Variants in MYO15A observed in about 807,000 individuals in gnomAD.
MYO15A encodes myosin XVA.
A neutral mutation model predicts 394.6 loss-of-function variants in MYO15A; 308 were observed. That is an observed-to-expected ratio of 0.78 (90% CI 0.71 to 0.86). The LOEUF (loss-of-function observed/expected upper bound fraction) is 0.86. MYO15A is among the 40% of genes least tolerant of loss of function. MYO15A has a pLI of 0.00. For missense variants in MYO15A, 4,606 were observed against 4,799.1 expected (o/e 0.96, Z 1.19); for synonymous variants, 1,957 against 2,003.8 (o/e 0.98, Z 0.62).
intron 44 of MYO15A, among the ~76,000 whole-genome samples, chr17:18,154,420 A>T (rs1242410332): frequency 2.0e-5 from 3 of 152,196 alleles, no homozygotes; most frequent in African/African-American, 7.2e-5. Context: ...TGGCCCAGAG[A>T]TCAAATGTAA....
rs1315685521 is a variant in MYO15A at position 18,162,565 on chromosome 17, T to A, written c.9518-20T>A. The A allele has an allele frequency of 1.2e-6, 2 of 1,612,686 alleles. No individual in the cohort carries two copies. Among genetic ancestry groups the A allele is most frequent in the Non-Finnish European group, 1.7e-6 (2 of 1,179,338 alleles). On this transcript the variant is annotated intron_variant, in intron 57 of 65. Transcript: ENST00000647165. ...CCCACAGTCCACCTTGGGCGAGGCC[T>A]GAACTCCCTGCTTCTGCAGGGATCG...
chr17:18,114,437 A>G (rs1397645038), intron 1 of MYO15A, among the ~76,000 whole-genome samples: 1 of 152,002 alleles, frequency 6.6e-6, no homozygotes, highest in Non-Finnish European at 1.5e-5. Context: ...TTTTTAGTGG[A>G]AATGAGGTTT....
In MYO15A at chr17:18,166,388, G is replaced by A. The variant is rs199866618; in HGVS notation, c.9815G>A (p.Arg3272His). 2.7e-5 allele frequency: 44 copies of A among 1,613,742 alleles called. No homozygotes were observed. Among genetic ancestry groups the A allele is most frequent in the Middle Eastern group, 1.7e-4 (1 of 6,050 alleles). Residue 3272 changes from arginine (R) to histidine (H), a missense_variant, in exon 61 of 66, where the codon CGT becomes CAT. Around this residue, in one of 2 missense-constraint regions of MYO15A, gnomAD observed 2,776 missense variants for 3,109.3 expected, o/e 0.89. Transcript: ENST00000647165. ...CAGCATGTGTGCCCACTCAGTCGCC[G>A]TGCTTACATCCTGGATGTGGCCTCA... Reference protein sequence around the residue: ...RGQHVCPLSRRAYILDVASEM... With the variant: ...RGQHVCPLSRHAYILDVASEM...
Position 18,114,613 on chromosome 17 carries a change from T to C in MYO15A, c.-219-3969T>C, listed in dbSNP as rs566206918. 9.7e-4 allele frequency among the ~76,000 whole-genome samples: 147 copies of C among 152,288 alleles called. 1 individual carries two copies. Among genetic ancestry groups the C allele is most frequent in the African/African-American group, 3.2e-3 (135 of 41,542 alleles). ...GTAACTTCCCTTGCCCCTGCTACTGTACTGGGACCATTCTTGTCACAGTCA... is the reference window on the plus strand; with the variant it reads ...GTAACTTCCCTTGCCCCTGCTACTGCACTGGGACCATTCTTGTCACAGTCA... On this transcript the variant is annotated intron_variant, in intron 1 of 65. Coordinates refer to ENST00000647165, the MANE Select transcript of MYO15A (RefSeq NM_016239.4).
chr17:18,144,509 G>A lies in MYO15A; in HGVS notation c.6190G>A (p.Gly2064Arg), dbSNP rs769641073. Residue 2064 changes from glycine to arginine, a missense_variant, in exon 29 of 66, where the codon GGG becomes AGG. Gly to Arg is a moderately radical substitution (Grantham distance 125, BLOSUM62 -2). Transcript: ENST00000647165. ...VQCHFKEPAFGMLTVPLRTPL... is the reference protein window; with the variant it reads ...VQCHFKEPAFRMLTVPLRTPL... ...CCCTGTGTCTTAGGAACCTGCCTTT[G>A]GGATGCTGACAGTGCCCCTGAGGAC... 1 of 1,613,306 alleles carries A rather than the reference G, an allele frequency of 6.2e-7. No individual in the cohort carries two copies. The highest frequency in any genetic ancestry group is 1.1e-5 in the South Asian group (1 of 91,078).
chr17:18,120,979 G>A lies in MYO15A; in HGVS notation c.2179G>A (p.Val727Met), dbSNP rs981212271. 37 of 1,498,116 alleles carry A rather than the reference G, an allele frequency of 2.5e-5. No individual in the cohort carries two copies. Among genetic ancestry groups the A allele is most frequent in the South Asian group, 5.0e-5 (4 of 80,432 alleles). 92.8% of individuals were successfully genotyped at this position (1,498,116 alleles called of 1,614,324 possible). ...GTGGGCCTTCGTGGAGCCCCCTGCC[G>A]TGAGCCCGGAGGTGCCCCCCGACCT... The part of the protein sequence containing the change: ...SWWAFVEPPA[V>M]SPEVPPDLLA... Residue 727 changes from valine to methionine, a missense_variant, in exon 2 of 66, where the codon GTG becomes ATG. By Grantham distance (21) the Val-to-Met change is conservative (BLOSUM62 1). Around this residue, in one of 2 missense-constraint regions of MYO15A, gnomAD observed 1,830 missense variants for 1,689.7 expected, o/e 1.08. Coordinates refer to ENST00000647165, the MANE Select transcript of MYO15A (RefSeq NM_016239.4).
chr17:18,113,477 A>C (rs1220835795), intron 1 of MYO15A, among the ~76,000 whole-genome samples: 1 of 152,192 alleles, frequency 6.6e-6, no homozygotes, highest in Non-Finnish European at 1.5e-5. Context: ...CAAGCTGAGC[A>C]TGGTGGCTCA....
chr17:18,120,375 G>T lies in MYO15A; in HGVS notation c.1575G>T (p.Val525=). Residue 525 remains valine, a synonymous_variant, in exon 2 of 66, where the codon GTG becomes GTT. Coordinates refer to ENST00000647165, the MANE Select transcript of MYO15A (RefSeq NM_016239.4). ...AGGAGCTGCCCCCGGTTTCCGCTGT[G>T]CCCTACGGCCACCCTTTCTGGGGCT... ...DEEELPPVSA[V]PYGHPFWGFL... The T allele has an allele frequency of 6.2e-7, 1 of 1,611,680 alleles. No individual in the cohort carries two copies. The highest frequency in any genetic ancestry group is 1.3e-5 in the African/African-American group (1 of 75,058).
Position 18,121,303 on chromosome 17 carries a change from CCACCCGGCTCGCCGCTGCCGGGCT to C in MYO15A, c.2509_2532del (p.Gly837_Pro844del). The C allele has an allele frequency of 7.5e-7, 1 of 1,330,036 alleles. No homozygotes were observed. The highest frequency in any genetic ancestry group is 9.6e-7 in the Non-Finnish European group (1 of 1,045,556). 82.4% of individuals were successfully genotyped at this position (1,330,036 alleles called of 1,614,324 possible). The stretch of plus-strand genomic sequence containing the variant: ...ACGCCGAGCCGCTGGGCGCCTGGGC[CCACCCGGCTCGCCGCTGCCGGGCT>C]CACCCAGGCCGCCCTCGCCGCCCCT... On this transcript the variant is annotated inframe_deletion, in exon 2 of 66. Transcript: ENST00000647165. This position sits in a 1 kb window ranked among gnomAD's most constrained non-coding sequence, Gnocchi z 5.3.
intron 3 of MYO15A, chr17:18,124,823 C>T (rs1187287014): frequency 3.4e-6 from 2 of 588,150 alleles, no homozygotes; most frequent in South Asian, 2.0e-5. Context: ...TTCTCATCCA[C>T]AAAATGGGAG....
intron 1 of MYO15A, among the ~76,000 whole-genome samples, chr17:18,110,935 C>T (rs1190729746): frequency 1.3e-5 from 2 of 152,216 alleles, no homozygotes; most frequent in East Asian, 1.9e-4. Context: ...GATCTTGGCT[C>T]AGGGTTGCGT....
chr17:18,159,198 G>A (rs1271375994), intron 53 of MYO15A, 77 bp from the exon 54 acceptor site: 31 of 1,550,440 alleles, frequency 2.0e-5, no homozygotes, highest in Non-Finnish European at 2.7e-5. Flanking sequence ...TTATCATATG[G>A]CCTTGGAACA....
At position 18,141,156 on chromosome 17, in the gene MYO15A, C is replaced by T. The variant is rs750263099; in HGVS notation, c.5531+13C>T. On this transcript the variant is annotated intron_variant, in intron 22 of 65. Coordinates refer to ENST00000647165, the MANE Select transcript of MYO15A (RefSeq NM_016239.4). ...GGTTCATCGACAGGTATCTTGGTTA[C>T]GGTAGTTCCTGAGCTCTACAAATCC... 6.2e-6 allele frequency: 10 copies of T among 1,613,078 alleles called. No individual in the cohort carries two copies. The highest frequency in any genetic ancestry group is 2.7e-5 in the African/African-American group (2 of 74,896).
rs2045858572 is a variant in MYO15A, at chr17:18,119,392, G to A, written c.592G>A (p.Ala198Thr). ...GTTCCCCCGCAGCCGCAGCATCTACGCGTCAGGCGAGCCCCTGGGCTTCCT... is the reference window on the plus strand; with the variant it reads ...GTTCCCCCGCAGCCGCAGCATCTACACGTCAGGCGAGCCCCTGGGCTTCCT... ...RRFPRSRSIY[A>T]SGEPLGFLPF... The change falls in exon 2 of 66, where the codon GCG becomes ACG. Residue 198 changes from alanine to threonine, a missense_variant. Coordinates refer to ENST00000647165, the MANE Select transcript of MYO15A (RefSeq NM_016239.4). 1 of 1,611,124 alleles carries A rather than the reference G, an allele frequency of 6.2e-7. No homozygotes were observed. The highest frequency in any genetic ancestry group is 8.5e-7 in the Non-Finnish European group (1 of 1,179,866).
In MYO15A at chr17:18,122,003, G is replaced by T. The variant is rs189061214; in HGVS notation, c.3203G>T (p.Cys1068Phe). 5.8e-4 allele frequency: 942 copies of T among 1,613,224 alleles called. No individual in the cohort carries two copies. Among genetic ancestry groups the T allele is most frequent in the Middle Eastern group, 8.2e-4 (5 of 6,062 alleles). The change falls in exon 2 of 66, where the codon TGT becomes TTT. Residue 1068 changes from cysteine (C) to phenylalanine (F), a missense_variant. By Grantham distance (205) the Cys-to-Phe change is radical (BLOSUM62 -2). Coordinates refer to ENST00000647165, the MANE Select transcript of MYO15A (RefSeq NM_016239.4). The stretch of plus-strand genomic sequence containing the variant: ...AGCCTCTCATACCCACTGGCTGCGT[G>T]TGACCAGACCAGGGCCACATGGCCA... ...RPSLSYPLAACDQTRATWPPW... is the reference protein window; with the variant it reads ...RPSLSYPLAAFDQTRATWPPW...
At position 18,148,435 on chromosome 17, in the gene MYO15A, G is replaced by C; in HGVS notation, c.6692-61G>C. The stretch of plus-strand genomic sequence containing the variant: ...AGCCTGAAAGGAAGAAGCAAGCAGG[G>C]AGGCACAGCCAAACTGGACTCAGAT... On this transcript the variant is annotated intron_variant, in intron 31 of 65. Coordinates refer to ENST00000647165, the MANE Select transcript of MYO15A (RefSeq NM_016239.4). The surrounding 1 kb of genome is among the most constrained non-coding windows in gnomAD (Gnocchi z 4.8). 6.5e-7 allele frequency: 1 copy of C among 1,539,862 alleles called. No individual in the cohort carries two copies. The highest frequency in any genetic ancestry group is 8.8e-7 in the Non-Finnish European group (1 of 1,137,574).
intron 49 of MYO15A, 25 bp downstream of exon 49, chr17:18,157,090 G>A (rs760100745): frequency 1.9e-6 from 3 of 1,613,170 alleles, no homozygotes; most frequent in Admixed American, 1.7e-5. Context: ...GGTGGGCTGG[G>A]GGCAGGAGGG....
At chr17:18,173,157 C>T (rs2046966245) in intron 64 of MYO15A, among the ~76,000 whole-genome samples, 1 of 152,180 alleles carries the variant, frequency 6.6e-6, no homozygotes, top group African/African-American at 2.4e-5. Flanking sequence ...CTTTCCTTCT[C>T]TCCTGGGGGT....
chr17:18,151,489 C>A lies in MYO15A; in HGVS notation c.7749C>A (p.Tyr2583Ter). 1 of 1,614,210 alleles carries A rather than the reference C, an allele frequency of 6.2e-7. No individual in the cohort carries two copies. The change falls in exon 40 of 66, where the codon TAC (tyrosine) becomes TAA (stop). Residue 2583 changes from tyrosine (Y) to a stop codon, truncating the protein, a stop_gained. Transcript: ENST00000647165. LOFTEE classifies it high-confidence loss of function. The part of the protein sequence containing the change: ...TQQIKNIVRQ[Y>*]QQPFRGGRPE... ...AGATCAAGAATATTGTCAGGCAGTACCAGCAGCCGTTCCGGGGAGGCCGGC... is the reference window on the plus strand; with the variant it reads ...AGATCAAGAATATTGTCAGGCAGTAACAGCAGCCGTTCCGGGGAGGCCGGC...
Sources: allele counts gnomAD v4.1 joint callset (sites outside exome capture counted in the v4.1 genomes callset), GRCh38; gene constraint gnomAD v4.1.1; regional missense constraint gnomAD v4.1.1; non-coding constraint Gnocchi (gnomAD v3.1); transcripts MANE v1.5; gene names NCBI Gene and HGNC (gene_info 2026-07-23, HGNC 2026-07-21).